Variants in KIAA1549L observed in about 807,000 individuals in gnomAD.
KIAA1549L encodes KIAA1549 like, also known as UPF0606 protein KIAA1549L.
In KIAA1549L, 88 loss-of-function variants were observed where a neutral mutation model predicts 160.7. That is an observed-to-expected ratio of 0.55 (90% CI 0.46 to 0.65). KIAA1549L has a LOEUF of 0.65. Among genes scored for constraint, KIAA1549L ranks in the 30% least tolerant of loss-of-function variants. KIAA1549L has a pLI of 0.00. For synonymous variants in KIAA1549L, 950 were observed against 976.7 expected, an observed-to-expected ratio of 0.97 and a Z score of 0.51; for missense variants, 2,258 against 2,437.5, an observed-to-expected ratio of 0.93 and a Z score of 1.55.
At chr11:33,603,804 CA>C (rs1197577650) in intron 13 of KIAA1549L, among the ~76,000 whole-genome samples, 421 of 133,072 alleles carry the variant, frequency 3.2e-3, no homozygotes, top group Middle Eastern at 4.0e-3. Flanking sequence ...AAGACTCCAC[CA>C]AAAAAAAAAA....
intron 1 of KIAA1549L, among the ~76,000 whole-genome samples, chr11:33,478,799 C>T (rs767341194): frequency 7.9e-5 from 12 of 152,158 alleles, no homozygotes; most frequent in Non-Finnish European, 1.0e-4. Flanking sequence ...CGCAGTGGCA[C>T]GATCTCGGCT....
At chr11:33,645,534 G>C (rs1364971531) in intron 16 of KIAA1549L, among the ~76,000 whole-genome samples, 152 bp from the exon 17 acceptor site, 1 of 152,138 alleles carries the variant, frequency 6.6e-6, no homozygotes, top group East Asian at 1.9e-4. Context: ...TACCCCAGTA[G>C]TGTGAATTCC....
chr11:33,580,829 G>A (rs776612397), intron 10 of KIAA1549L, among the ~76,000 whole-genome samples: 1 of 152,122 alleles, frequency 6.6e-6, no homozygotes, highest in African/African-American at 2.4e-5. Context: ...CATGTTTGAC[G>A]CTAATTAGTG....
chr11:33,442,982 A>T (rs527340754), intron 1 of KIAA1549L, among the ~76,000 whole-genome samples: 1 of 152,004 alleles, frequency 6.6e-6, no homozygotes, highest in Non-Finnish European at 1.5e-5. Context: ...TCATTATTAT[A>T]TTTTATATTT....
intron 1 of KIAA1549L, among the ~76,000 whole-genome samples, chr11:33,517,434 A>C (rs955098577): frequency 6.6e-6 from 1 of 152,188 alleles, no homozygotes. Flanking sequence ...TAATATCCAT[A>C]TCCTGAGTGC....
At chr11:33,386,193 A>G (rs1372518841) in intron 1 of KIAA1549L, among the ~76,000 whole-genome samples, 3 of 152,174 alleles carry the variant, frequency 2.0e-5, no homozygotes, top group Admixed American at 6.5e-5. Flanking sequence ...TCTCTAGAGT[A>G]TGATGTTGGC....
chr11:33,655,938 A>C, intron 17 of KIAA1549L, 74 bp from the exon 18 acceptor site: 1 of 1,045,510 alleles, frequency 9.6e-7, no homozygotes, highest in Non-Finnish European at 1.5e-6. Context: ...CTTCCTCCTC[A>C]AACAAGAGGA....
chr11:33,471,310 G>A (rs75079958), intron 1 of KIAA1549L, among the ~76,000 whole-genome samples: 7,079 of 151,248 alleles, frequency 0.047, 318 homozygotes, highest in South Asian at 0.12. Context: ...GCCCTCTTGA[G>A]TTCTTGCCCC....
intron 10 of KIAA1549L, among the ~76,000 whole-genome samples, chr11:33,575,927 T>A (rs1267941965): frequency 1.3e-5 from 2 of 151,750 alleles, no homozygotes; most frequent in African/African-American, 4.8e-5. Context: ...AGCTAAGGAG[T>A]AATATCATTG....
At chr11:33,545,410 C>T in intron 3 of KIAA1549L, 32 bp downstream of exon 3, 1 of 1,572,164 alleles carries the variant, frequency 6.4e-7, no homozygotes, top group South Asian at 1.2e-5. Flanking sequence ...CTGAAAGCAG[C>T]AAGCCTGGCC....
intron 19 of KIAA1549L, among the ~76,000 whole-genome samples, chr11:33,660,068 A>T (rs1852207263): frequency 6.6e-6 from 1 of 152,158 alleles, no homozygotes; most frequent in Admixed American, 6.5e-5. Context: ...TCTTTAGGGG[A>T]TGAGAAAAAG....
chr11:33,451,095 A>G (rs1211057345), intron 1 of KIAA1549L, among the ~76,000 whole-genome samples: 1 of 152,222 alleles, frequency 6.6e-6, no homozygotes, highest in Non-Finnish European at 1.5e-5. Flanking sequence ...TTCTGTTGGT[A>G]GTGATAAAAC....
chr11:33,402,811 C>T (rs1352107032), intron 1 of KIAA1549L, among the ~76,000 whole-genome samples: 2 of 150,774 alleles, frequency 1.3e-5, no homozygotes, highest in Non-Finnish European at 2.9e-5. Context: ...ACTCCTGCCA[C>T]CCCCCCTAGC....
chr11:33,570,467 TA>T (rs1355405679), intron 9 of KIAA1549L, among the ~76,000 whole-genome samples: 1 of 152,152 alleles, frequency 6.6e-6, no homozygotes, highest in Non-Finnish European at 1.5e-5. Context: ...AATTTGCTAT[TA>T]AGTTGAAACT....
chr11:33,556,704 G>A (rs141680329), intron 6 of KIAA1549L, among the ~76,000 whole-genome samples: 5 of 152,286 alleles, frequency 3.3e-5, no homozygotes, highest in African/African-American at 1.2e-4. Context: ...AATGGTGGCT[G>A]CCAGGGGTTG....
At chr11:33,439,505 C>A (rs1277142263) in intron 1 of KIAA1549L, among the ~76,000 whole-genome samples, 1 of 151,776 alleles carries the variant, frequency 6.6e-6, no homozygotes, top group East Asian at 1.9e-4. Flanking sequence ...CGGGTTCATG[C>A]CATTCTCCTG....
At chr11:33,520,620 C>G (rs1853460615) in intron 1 of KIAA1549L, among the ~76,000 whole-genome samples, 1 of 150,356 alleles carries the variant, frequency 6.7e-6, no homozygotes, top group South Asian at 2.1e-4. Context: ...AATATTGACA[C>G]TAAAATGGAG....
intron 1 of KIAA1549L, among the ~76,000 whole-genome samples, chr11:33,380,103 G>A (rs1464329488): frequency 6.6e-6 from 1 of 152,224 alleles, no homozygotes; most frequent in Non-Finnish European, 1.5e-5. Context: ...TCAGAGCACA[G>A]GGCGCTGTGG....
chr11:33,394,428 A>G (rs1042954850), intron 1 of KIAA1549L, among the ~76,000 whole-genome samples: 2 of 131,560 alleles, frequency 1.5e-5, no homozygotes, highest in African/African-American at 5.4e-5. Flanking sequence ...TAAACAAACA[A>G]TAAACAATAA....
Sources: gnomAD v4.1 joint callset for allele counts (sites outside exome capture counted in the v4.1 genomes callset) on GRCh38, gnomAD v4.1.1 for gene constraint, MANE v1.5 for transcripts, NCBI Gene and HGNC (gene_info 2026-07-23, HGNC 2026-07-21) for gene names.